Variants in CAMK2D observed in about 807,000 individuals in gnomAD.
CAMK2D encodes the protein calcium/calmodulin-dependent protein kinase type II subunit delta.
A neutral mutation model predicts 84.0 loss-of-function variants in CAMK2D; 37 were observed. The ratio of observed to expected loss-of-function variants is 0.44; its 90% CI spans 0.34 to 0.58. The LOEUF (loss-of-function observed/expected upper bound fraction) is 0.58, where lower values mean the gene tolerates loss of function less well. CAMK2D is among the 20% of genes least tolerant of loss of function. CAMK2D has a pLI of 0.02. For missense variants in CAMK2D, 448 were observed against 652.5 expected (o/e 0.69, Z 3.41); for synonymous variants, 202 against 212.5 (o/e 0.95, Z 0.43).
chr4:113,750,970 G>C (rs2099615806), intron 2 of CAMK2D, among the ~76,000 whole-genome samples: 1 of 152,154 alleles, frequency 6.6e-6, no homozygotes, highest in South Asian at 2.1e-4. Flanking sequence ...CAGTAAGCTA[G>C]GTTCTCACAA....
chr4:113,635,426 T>C (rs1042777472), intron 3 of CAMK2D, among the ~76,000 whole-genome samples: 1 of 152,344 alleles, frequency 6.6e-6, no homozygotes, highest in Admixed American at 6.5e-5. Context: ...ATCCTTTATA[T>C]ATAGAATTTC....
At chr4:113,745,218 C>T (rs1487960068) in intron 2 of CAMK2D, among the ~76,000 whole-genome samples, 1 of 152,112 alleles carries the variant, frequency 6.6e-6, no homozygotes, top group Non-Finnish European at 1.5e-5. Context: ...TCCTGATTTC[C>T]CAGATTGTCT....
chr4:113,476,357 T>C (rs377561560), intron 16 of CAMK2D, among the ~76,000 whole-genome samples: 17 of 152,240 alleles, frequency 1.1e-4, no homozygotes, highest in East Asian at 5.8e-4. Context: ...CACATTCACA[T>C]AGTGATGCTG....
chr4:113,472,068 C>T (rs1387789545), intron 16 of CAMK2D, among the ~76,000 whole-genome samples: 3 of 152,138 alleles, frequency 2.0e-5, no homozygotes, highest in Admixed American at 2.0e-4. Context: ...GCTCAAGTGT[C>T]ACTTTGTCTG....
rs572007050 is a variant in CAMK2D, at chr4:113,738,207, GAAAA to G, written c.160+21109_160+21112del. 1.3e-3 allele frequency among the ~76,000 whole-genome samples: 144 copies of G among 107,924 alleles called. 5 individuals carry two copies. In the South Asian group the frequency reaches 0.042, roughly 31 times the overall value. The allele number at this position is 107,924 out of a possible 152,430, so 70.8% of individuals were successfully genotyped here. ...AGTGAAGAATCTAAATATGTTCTTT[GAAAA>G]AAAAAAAAAAACTACTGTGAGAAAA... is the stretch of plus-strand genomic sequence containing the variant. On this transcript the variant is annotated intron_variant, in intron 2 of 20. Transcript: ENST00000511664.
intron 2 of CAMK2D, among the ~76,000 whole-genome samples, chr4:113,690,210 A>G (rs2099382949): frequency 6.6e-6 from 1 of 152,208 alleles, no homozygotes; most frequent in Non-Finnish European, 1.5e-5. Context: ...ATGATTTATA[A>G]TTCACCTCCA....
intron 7 of CAMK2D, among the ~76,000 whole-genome samples, chr4:113,536,788 T>G (rs748275199): frequency 5.6e-4 from 86 of 152,336 alleles, no homozygotes; most frequent in Middle Eastern, 6.8e-3. Context: ...TTTCATCATA[T>G]AAAAATTTCT....
chr4:113,727,692 C>G (rs2099550381), intron 2 of CAMK2D, among the ~76,000 whole-genome samples: 1 of 152,076 alleles, frequency 6.6e-6, no homozygotes, highest in Admixed American at 6.5e-5. Context: ...AATATTTCTA[C>G]TCATCAAAAA....
chr4:113,513,774 A>G, intron 11 of CAMK2D, 56 bp downstream of exon 11: 3 of 783,668 alleles, frequency 3.8e-6, no homozygotes, highest in Non-Finnish European at 6.6e-6. Flanking sequence ...CTCACACAGT[A>G]TTTCACTTCT....
At chr4:113,498,902 C>G (rs531392263) in intron 16 of CAMK2D, among the ~76,000 whole-genome samples, 1 of 152,204 alleles carries the variant, frequency 6.6e-6, no homozygotes, top group South Asian at 2.1e-4. Flanking sequence ...TTATTAAAAC[C>G]CTTCTCATGA....
At chr4:113,458,593 G>A (rs2097333282) in intron 18 of CAMK2D, among the ~76,000 whole-genome samples, 1 of 152,110 alleles carries the variant, frequency 6.6e-6, no homozygotes, top group Non-Finnish European at 1.5e-5. Context: ...AGAGTTAGTT[G>A]GAGGAAACAT....
intron 2 of CAMK2D, among the ~76,000 whole-genome samples, chr4:113,668,095 C>T (rs1474473255): frequency 6.6e-6 from 1 of 152,008 alleles, no homozygotes; most frequent in East Asian, 1.9e-4. Flanking sequence ...CCATGGCTTC[C>T]TTGTGGAGAA....
intron 16 of CAMK2D, among the ~76,000 whole-genome samples, chr4:113,474,932 C>G (rs542040229): frequency 6.6e-6 from 1 of 152,314 alleles, no homozygotes; most frequent in Admixed American, 6.5e-5. Context: ...CAGGCGTGAG[C>G]CACCGTGCCT....
At chr4:113,531,843 GA>G (rs2098460513) in intron 7 of CAMK2D, among the ~76,000 whole-genome samples, 1 of 152,048 alleles carries the variant, frequency 6.6e-6, no homozygotes, top group Non-Finnish European at 1.5e-5. Flanking sequence ...ACTAGATGGG[GA>G]AAGAAAACTT....
chr4:113,718,719 C>T (rs1187444326), intron 2 of CAMK2D, among the ~76,000 whole-genome samples: 3 of 152,186 alleles, frequency 2.0e-5, no homozygotes, highest in Non-Finnish European at 2.9e-5. Flanking sequence ...GAAGTTAGTT[C>T]GGCCTATGCC....
chr4:113,471,900 CTT>C lies in CAMK2D; in HGVS notation c.1136-6298_1136-6297del, dbSNP rs374254292. 3.3e-3 allele frequency among the ~76,000 whole-genome samples: 493 copies of C among 151,494 alleles called. 4 individuals are homozygous for C. Among genetic ancestry groups the C allele is most frequent in the African/African-American group, 0.012 (472 of 40,864 alleles). ...ACTTTTCCTGCTTTATCTCTTGACA[CTT>C]TTTGTCCTCTAGGGCTTTTATATAT... On this transcript the variant is annotated intron_variant, in intron 16 of 20. Transcript: ENST00000511664.
intron 2 of CAMK2D, among the ~76,000 whole-genome samples, chr4:113,737,007 CAT>C (rs2099582872): frequency 1.3e-5 from 2 of 152,208 alleles, no homozygotes; most frequent in South Asian, 4.1e-4. Flanking sequence ...CTATTTATGT[CAT>C]AGAATATCAA....
chr4:113,742,739 T>C (rs559113709), intron 2 of CAMK2D, among the ~76,000 whole-genome samples: 1 of 152,090 alleles, frequency 6.6e-6, no homozygotes, highest in Non-Finnish European at 1.5e-5. Flanking sequence ...CAGAGACATA[T>C]AGATAGGAAT....
At chr4:113,684,470 T>A (rs1438536731) in intron 2 of CAMK2D, among the ~76,000 whole-genome samples, 3 of 152,226 alleles carry the variant, frequency 2.0e-5, no homozygotes, top group Non-Finnish European at 4.4e-5. Flanking sequence ...AATTATAATT[T>A]CAAATTTAGT....
Sources: gnomAD v4.1 joint callset for allele counts (sites outside exome capture counted in the v4.1 genomes callset) on GRCh38, gnomAD v4.1.1 for gene constraint, MANE v1.5 for transcripts, NCBI Gene and HGNC (gene_info 2026-07-23, HGNC 2026-07-21) for gene names.